TENM2: variants seen among roughly 807,000 people sequenced by gnomAD.
TENM2 encodes teneurin-2.
TENM2 carries 52 observed loss-of-function variants against 245.2 expected under a neutral mutation model. The observed-to-expected ratio is 0.21, with a 90% CI of 0.17 to 0.27. TENM2 has a LOEUF of 0.27. Ranked by LOEUF, TENM2 falls within the 10% of genes least tolerant of loss-of-function variation. The probability of loss-of-function intolerance (pLI) is 1.00; values close to 1 mark genes in which losing one functional copy is unlikely to be tolerated. For synonymous variants in TENM2, 1,363 were observed against 1,438.9 expected (o/e 0.95, Z 1.19); for missense variants, 3,046 against 3,666.8 (o/e 0.83, Z 4.37).
At chr5:167,400,290 G>A (rs1175935833) in intron 2 of TENM2, among the ~76,000 whole-genome samples, 1 of 152,104 alleles carries the variant, frequency 6.6e-6, no homozygotes, top group South Asian at 2.1e-4. Context: ...AAGTTTCAGA[G>A]GCAACTTGAC....
intron 3 of TENM2, among the ~76,000 whole-genome samples, chr5:167,911,063 T>A (rs1270687329): frequency 1.3e-5 from 2 of 152,200 alleles, no homozygotes; most frequent in Non-Finnish European, 2.9e-5. Flanking sequence ...TTTTTTCAAC[T>A]ACAACAATCT....
the TENM2 span, among the ~76,000 whole-genome samples, chr5:167,043,210 G>A: frequency 2.0e-5 from 3 of 152,210 alleles, no homozygotes; most frequent in Non-Finnish European, 1.5e-5. Flanking sequence ...CTACTGCGTG[G>A]TAAGCCCTAT....
rs140718934 is a variant in TENM2, at chr5:168,185,585, C to T, written c.2570-4752C>T. Among the ~76,000 whole-genome samples, 241 of 152,002 alleles carry T rather than the reference C, an allele frequency of 1.6e-3. 2 individuals carry two copies. The highest frequency in any genetic ancestry group is 5.7e-3 in the African/African-American group (235 of 41,472). Reference sequence around the variant, plus strand: ...GAGATTCAAACCCAGATACCCTGTTCTATAATCTGACATTTAAGAGTTACA... The same window carrying T: ...GAGATTCAAACCCAGATACCCTGTTTTATAATCTGACATTTAAGAGTTACA... On this transcript the variant is annotated intron_variant, in intron 13 of 28. Coordinates refer to ENST00000518659, the Ensembl canonical transcript of TENM2.
At chr5:167,627,940 G>A (rs1481081367) in intron 2 of TENM2, among the ~76,000 whole-genome samples, 1 of 152,196 alleles carries the variant, frequency 6.6e-6, no homozygotes, top group Non-Finnish European at 1.5e-5. Flanking sequence ...TAAAAGGAAA[G>A]CCTCAATGGG....
At chr5:167,602,304 G>T (rs958797709) in intron 2 of TENM2, among the ~76,000 whole-genome samples, 1 of 152,042 alleles carries the variant, frequency 6.6e-6, no homozygotes, top group Non-Finnish European at 1.5e-5. Context: ...TTTCCAATTG[G>T]TATCGAGGAC....
chr5:167,431,953 ATATATATG>A (rs1561950371), intron 2 of TENM2, among the ~76,000 whole-genome samples: 3 of 54,220 alleles, frequency 5.5e-5, no homozygotes, highest in East Asian at 4.1e-4. Flanking sequence ...ATATATGTAT[ATATATATG>A]TATATATATA....
At chr5:167,621,770 A>G (rs997444395) in intron 2 of TENM2, among the ~76,000 whole-genome samples, 2 of 152,202 alleles carry the variant, frequency 1.3e-5, no homozygotes, top group Non-Finnish European at 2.9e-5. Flanking sequence ...AAGTGTGGCC[A>G]TGGCCCACCT....
intron 6 of TENM2, among the ~76,000 whole-genome samples, chr5:168,058,801 T>G (rs535105548): frequency 6.6e-6 from 1 of 152,196 alleles, no homozygotes; most frequent in South Asian, 2.1e-4. Context: ...TTTCATTCCA[T>G]GTAAGAACTT....
intron 3 of TENM2, among the ~76,000 whole-genome samples, chr5:167,917,921 G>A (rs186794908): frequency 3.9e-5 from 6 of 152,088 alleles, no homozygotes; most frequent in East Asian, 1.9e-4. Flanking sequence ...CTGTGTAACC[G>A]CTCCAATATT....
intron 2 of TENM2, among the ~76,000 whole-genome samples, chr5:167,510,548 A>C (rs1325173910): frequency 6.6e-6 from 1 of 152,002 alleles, no homozygotes; most frequent in South Asian, 2.1e-4. Flanking sequence ...TATTTTCCCG[A>C]ACTGTTACTA....
chr5:167,229,544 G>A, the TENM2 span, among the ~76,000 whole-genome samples: 1 of 152,204 alleles, frequency 6.6e-6, no homozygotes, highest in African/African-American at 2.4e-5. Context: ...GAGCAGGCTG[G>A]TTTCCAGACC....
At chr5:167,793,621 G>A (rs1765123146) in intron 2 of TENM2, among the ~76,000 whole-genome samples, 1 of 151,922 alleles carries the variant, frequency 6.6e-6, no homozygotes, top group Non-Finnish European at 1.5e-5. Flanking sequence ...GATCACTTGA[G>A]CCCAGGAGTT....
chr5:167,949,108 C>T lies in TENM2; in HGVS notation c.713-3480C>T, dbSNP rs542498652. Among the ~76,000 whole-genome samples the T allele has an allele frequency of 3.4e-4, 52 of 152,220 alleles. 1 individual carries two copies. In the South Asian group the frequency reaches 3.9e-3, roughly 12 times the overall value. ...GTTACTGATACTGAATACCAAGGCA[C>T]CCGAGTGAAACTAGGAGTCAAAAAC... On this transcript the variant is annotated intron_variant, in intron 3 of 28. Coordinates refer to ENST00000518659, the Ensembl canonical transcript of TENM2.
rs565159252 is a variant in TENM2, at chr5:167,609,276, G to A, written c.502+233803G>A. 1.6e-4 allele frequency among the ~76,000 whole-genome samples: 25 copies of A among 151,986 alleles called. No individual in the cohort carries two copies. In the South Asian group the frequency reaches 3.1e-3, roughly 19 times the overall value. On this transcript the variant is annotated intron_variant, in intron 2 of 28. Transcript: ENST00000518659. ...TGCCCAGGATTACACAAGTAGAGTCGCATTTCTTGCCTATGCCTGTTGACT... is the reference window on the plus strand; with the variant it reads ...TGCCCAGGATTACACAAGTAGAGTCACATTTCTTGCCTATGCCTGTTGACT...
chr5:168,089,316 T>A (rs75746764), intron 7 of TENM2, among the ~76,000 whole-genome samples: 2,875 of 152,288 alleles, frequency 0.019, 82 homozygotes, highest in African/African-American at 0.065. Context: ...GTCCTCCTAC[T>A]TTCATTTTTT....
At chr5:166,989,773 A>C in the TENM2 span, among the ~76,000 whole-genome samples, 1 of 150,944 alleles carries the variant, frequency 6.6e-6, no homozygotes, top group African/African-American at 2.4e-5. Flanking sequence ...TAAGTGTGTC[A>C]GAGTGTGAAC....
chr5:168,090,858 GTT>G, intron 8 of TENM2, 89 bp downstream of exon 10: 1 of 1,209,478 alleles, frequency 8.3e-7, no homozygotes, highest in Non-Finnish European at 1.2e-6. Context: ...TTCTAAGGTA[GTT>G]TCTACTACAG....
chr5:167,095,919 C>T, the TENM2 span, among the ~76,000 whole-genome samples: 4 of 151,942 alleles, frequency 2.6e-5, no homozygotes, highest in African/African-American at 4.8e-5. Context: ...TACAGGCACC[C>T]GCCACCACAC....
chr5:168,030,168 T>TTTTTTTTTTTTTTTTTTTTTTTTTTC (rs1562071982), intron 5 of TENM2, among the ~76,000 whole-genome samples: 2 of 84,626 alleles, frequency 2.4e-5, no homozygotes, highest in South Asian at 4.8e-4. Flanking sequence ...CTTTTTTTTT[T>TTTTTTTTTTTTTTTTTTTTTTTTTTC]TTTTTTTTTT....
Sources: allele counts gnomAD v4.1 joint callset (sites outside exome capture counted in the v4.1 genomes callset), GRCh38; gene constraint gnomAD v4.1.1; transcripts MANE v1.5; gene names NCBI Gene and HGNC (gene_info 2026-07-23, HGNC 2026-07-21).